Variants in U2AF2 observed in about 807,000 individuals in gnomAD.
U2AF2 encodes the protein splicing factor U2AF 65 kDa subunit.
Under a neutral mutation model 52.6 loss-of-function variants are expected in U2AF2, and 6 were observed. The ratio of observed to expected loss-of-function variants is 0.11; its 90% CI spans 0.06 to 0.23. The LOEUF (loss-of-function observed/expected upper bound fraction) is 0.23. Ranked by LOEUF, U2AF2 falls within the 10% of genes least tolerant of loss-of-function variation. The probability of loss-of-function intolerance (pLI) is 1.00; values close to 1 mark genes in which losing one functional copy is unlikely to be tolerated. For synonymous variants in U2AF2, 284 were observed against 258.2 expected (o/e 1.10, Z -0.96); for missense variants, 222 against 677.1 (o/e 0.33, Z 7.46).
intron 11 of U2AF2, chr19:55,670,722 G>T: frequency 5.2e-6 from 1 of 191,490 alleles, no homozygotes; most frequent in Non-Finnish European, 1.1e-5. Flanking sequence ...CTGGGTCTTG[G>T]AACGACCGCT....
chr19:55,658,970 G>C, intron 1 of U2AF2: 1 of 480,434 alleles, frequency 2.1e-6, no homozygotes, highest in Non-Finnish European at 3.3e-6. Flanking sequence ...AGCTCCTCCT[G>C]AGCATCCTCA....
chr19:55,659,223 G>A lies in U2AF2; in HGVS notation c.63G>A (p.Glu21=), dbSNP rs1022385786. 1.2e-5 allele frequency: 19 copies of A among 1,594,212 alleles called. No homozygotes were observed. Among genetic ancestry groups the A allele is most frequent in the Non-Finnish European group, 1.3e-5 (15 of 1,168,838 alleles). ...ACCCTTGCCCAGAGCGGGACAAGGA[G>A]AACCGGCATCGGAAGCGCAGCCACA... The part of the protein sequence containing the change: ...LNENKQERDK[E]NRHRKRSHSR... Residue 21 remains glutamate, a synonymous_variant, in exon 2 of 12, where the codon GAG becomes GAA. Transcript: ENST00000308924.
Position 55,665,157 on chromosome 19 carries a change from C to T in U2AF2, c.742+1413C>T, listed in dbSNP as rs559707197. Among the ~76,000 whole-genome samples the T allele has an allele frequency of 9.8e-4, 149 of 152,352 alleles. 1 individual carries two copies. The highest frequency in any genetic ancestry group is 3.1e-3 in the African/African-American group (129 of 41,582). On this transcript the variant is annotated intron_variant, in intron 7 of 11. Coordinates refer to ENST00000308924, the MANE Select transcript of U2AF2 (RefSeq NM_007279.3). ...ATCAAGCTGCAGAATGTCTTCCCCACGTCTCTTCCTGGTGAATCCACTGCG... is the reference window on the plus strand; with the variant it reads ...ATCAAGCTGCAGAATGTCTTCCCCATGTCTCTTCCTGGTGAATCCACTGCG...
At position 55,655,100 on chromosome 19, in the gene U2AF2, T is replaced by C; in HGVS notation, c.-5T>C. 1 of 1,606,044 alleles carries C rather than the reference T, an allele frequency of 6.2e-7. No homozygotes were observed. Among genetic ancestry groups the C allele is most frequent in the Non-Finnish European group, 8.5e-7 (1 of 1,177,166 alleles). On this transcript the variant is annotated 5_prime_UTR_variant, in exon 1 of 12. Coordinates refer to ENST00000308924, the MANE Select transcript of U2AF2 (RefSeq NM_007279.3). ...CTGCACAGGGCCCTACGCGGCCGCC[T>C]CAGCATGTCGGACTTCGACGAGTTC...
At chr19:55,656,167 C>T (rs1983782180) in intron 1 of U2AF2, among the ~76,000 whole-genome samples, 1 of 152,194 alleles carries the variant, frequency 6.6e-6, no homozygotes, top group Non-Finnish European at 1.5e-5. Flanking sequence ...TGTTAAGACG[C>T]TTTAAAAATC....
chr19:55,657,907 G>A (rs79038698), intron 1 of U2AF2, among the ~76,000 whole-genome samples: 4,126 of 152,216 alleles, frequency 0.027, 179 homozygotes, highest in African/African-American at 0.092. Context: ...GTGTTTTTCC[G>A]AAGCAGTAGT....
intron 2 of U2AF2, among the ~76,000 whole-genome samples, 198 bp from the exon 3 acceptor site, chr19:55,659,979 C>T (rs1031785939): frequency 3.3e-5 from 5 of 151,992 alleles, no homozygotes; most frequent in Non-Finnish European, 7.4e-5. Flanking sequence ...TGGCCCCTTT[C>T]TCCTTTCCTC....
rs531356414 is a variant in U2AF2 at position 55,668,330 on chromosome 19, C to T, written c.743-177C>T. 6.6e-6 allele frequency among the ~76,000 whole-genome samples: 1 copy of T among 152,182 alleles called. No homozygotes were observed. Among genetic ancestry groups the T allele is most frequent in the African/African-American group, 2.4e-5 (1 of 41,510 alleles). The stretch of plus-strand genomic sequence containing the variant: ...CCCGAGGAGCCTCTGTGTGCCACTG[C>T]CCAGGACCCTCACTGGTCAGATAAG... On this transcript the variant is annotated intron_variant, in intron 7 of 11. Coordinates refer to ENST00000308924, the MANE Select transcript of U2AF2 (RefSeq NM_007279.3). This position sits in a 1 kb window ranked among gnomAD's most constrained non-coding sequence, Gnocchi z 5.5.
chr19:55,655,299 C>T (rs1983707266), intron 1 of U2AF2, 146 bp downstream of exon 1: 1 of 897,358 alleles, frequency 1.1e-6, no homozygotes, highest in Middle Eastern at 3.5e-4. Context: ...GCCTCGTTCA[C>T]GTGACGTCCC....
At chr19:55,665,625 G>C (rs972767445) in intron 7 of U2AF2, among the ~76,000 whole-genome samples, 5 of 152,294 alleles carry the variant, frequency 3.3e-5, no homozygotes, top group African/African-American at 1.2e-4. Context: ...AGAGTCCAAC[G>C]CTGGCCCACT....
intron 4 of U2AF2, 43 bp from the exon 5 acceptor site, chr19:55,660,995 A>G (rs1014389811): frequency 6.5e-7 from 1 of 1,537,902 alleles, no homozygotes; most frequent in Non-Finnish European, 8.8e-7. Flanking sequence ...GTCACTGAGC[A>G]TTCCCCTGAT....
At chr19:55,669,799 G>A (rs1006735556) in intron 11 of U2AF2, 107 bp downstream of exon 11, 82 of 1,430,912 alleles carry the variant, frequency 5.7e-5, no homozygotes, top group South Asian at 4.1e-4. Context: ...CCTCTTCTCC[G>A]CGCGCTCTTT....
At chr19:55,660,983 T>C (rs1013877988) in intron 4 of U2AF2, 55 bp from the exon 5 acceptor site, 24 of 1,523,746 alleles carry the variant, frequency 1.6e-5, no homozygotes, top group South Asian at 2.5e-5. Flanking sequence ...TGGTGAGGGG[T>C]GGTCACTGAG....
At chr19:55,656,533 T>C (rs1057184353) in intron 1 of U2AF2, among the ~76,000 whole-genome samples, 3 of 152,240 alleles carry the variant, frequency 2.0e-5, no homozygotes, top group African/African-American at 7.2e-5. Context: ...ATTTTCTTGT[T>C]ACCGGATTTT....
At chr19:55,655,274 G>A (rs1983704445) in intron 1 of U2AF2, 121 bp downstream of exon 1, 3 of 1,092,828 alleles carry the variant, frequency 2.7e-6, no homozygotes, top group Non-Finnish European at 3.8e-6. Flanking sequence ...CCCCAACCCT[G>A]GTTCCGTGGC....
intron 7 of U2AF2, among the ~76,000 whole-genome samples, chr19:55,665,986 C>T (rs1050049371): frequency 2.0e-5 from 3 of 152,234 alleles, no homozygotes; most frequent in East Asian, 1.9e-4. Flanking sequence ...GTGCAGCTGG[C>T]CTCACTGTGC....
At chr19:55,664,602 C>T (rs559024800) in intron 7 of U2AF2, among the ~76,000 whole-genome samples, 1 of 152,236 alleles carries the variant, frequency 6.6e-6, no homozygotes, top group South Asian at 2.1e-4. Context: ...GTTCGAGGAG[C>T]CCTTTAGGAA....
intron 7 of U2AF2, among the ~76,000 whole-genome samples, chr19:55,665,199 G>A (rs905788283): frequency 1.1e-4 from 17 of 152,226 alleles, no homozygotes; most frequent in Non-Finnish European, 1.8e-4. Flanking sequence ...TTCATTTTAA[G>A]TCCCATGAGT....
intron 5 of U2AF2, chr19:55,662,292 T>C (rs959615366): frequency 1.1e-5 from 5 of 471,144 alleles, no homozygotes; most frequent in Non-Finnish European, 1.9e-5. Flanking sequence ...CTCTTGCTAC[T>C]GCTTCCTCCC....
Sources: allele counts gnomAD v4.1 joint callset (sites outside exome capture counted in the v4.1 genomes callset), GRCh38; gene constraint gnomAD v4.1.1; non-coding constraint Gnocchi (gnomAD v3.1); transcripts MANE v1.5; gene names NCBI Gene and HGNC (gene_info 2026-07-23, HGNC 2026-07-21).